Variants in NIN observed in about 807,000 individuals in gnomAD.
NIN encodes the protein ninein.
In NIN, 137 loss-of-function variants were observed where a neutral mutation model predicts 257.6. The observed-to-expected ratio is 0.53, with a 90% CI of 0.46 to 0.61. The LOEUF (loss-of-function observed/expected upper bound fraction) is 0.61. NIN is among the 20% of genes least tolerant of loss of function. NIN has a pLI of 0.00. For missense variants in NIN, 2,439 were observed against 2,501.2 expected, an observed-to-expected ratio of 0.98 and a Z score of 0.53; for synonymous variants, 918 against 919.8, an observed-to-expected ratio of 1.00 and a Z score of 0.04.
At chr14:50,809,371 G>A (rs1049912346) in intron 3 of NIN, among the ~76,000 whole-genome samples, 1 of 152,190 alleles carries the variant, frequency 6.6e-6, no homozygotes, top group Non-Finnish European at 1.5e-5. Context: ...GAGTTGCCCA[G>A]CATCAAAGAA....
rs1479627593 is a variant in NIN at position 50,723,448 on chromosome 14, T to C, written c.*15A>G. The C allele has an allele frequency of 1.2e-6, 2 of 1,604,694 alleles. No individual in the cohort carries two copies. Among genetic ancestry groups the C allele is most frequent in the Non-Finnish European group, 1.7e-6 (2 of 1,173,358 alleles). ...TCAGTAAAGTGCACAAATATGAGTGTACCCTTTGGTTTGGCTATGACCTCA... is the reference window on the plus strand; with the variant it reads ...TCAGTAAAGTGCACAAATATGAGTGCACCCTTTGGTTTGGCTATGACCTCA... On this transcript the variant is annotated 3_prime_UTR_variant, in exon 31 of 31. Transcript: ENST00000530997.
intron 3 of NIN, among the ~76,000 whole-genome samples, chr14:50,808,363 C>A (rs2044427229): frequency 6.6e-6 from 1 of 152,212 alleles, no homozygotes; most frequent in Non-Finnish European, 1.5e-5. Context: ...AGAGCTCTGG[C>A]ACTCAGGCCA....
chr14:50,744,332 G>A lies in NIN; in HGVS notation c.5098C>T (p.Gln1700Ter), dbSNP rs1017799339. Residue 1700 changes from glutamine to a stop codon, truncating the protein, a stop_gained, in exon 23 of 31, where the codon CAA (glutamine) becomes TAA (stop). Transcript: ENST00000530997. LOFTEE classifies it high-confidence loss of function. ...TAGCTTAGAACACTAGAGATTTTTT[G>A]CTGGAAGTCAGAGAGATCGGGACAT... is the stretch of plus-strand genomic sequence containing the variant. ...HRCPDLSDFQ[Q>*]KISSVLSYNE... The A allele has an allele frequency of 6.2e-7, 1 of 1,613,822 alleles. No individual in the cohort carries two copies. The highest frequency in any genetic ancestry group is 1.3e-5 in the African/African-American group (1 of 74,900).
chr14:50,759,557 G>T (rs907169027), intron 17 of NIN, among the ~76,000 whole-genome samples: 2 of 151,140 alleles, frequency 1.3e-5, no homozygotes, highest in Non-Finnish European at 2.9e-5. Context: ...GCAGTAGCGC[G>T]ATCTCGGCTC....
chr14:50,791,043 T>C (rs1031855147), intron 5 of NIN, among the ~76,000 whole-genome samples: 5 of 152,210 alleles, frequency 3.3e-5, no homozygotes, highest in Non-Finnish European at 7.3e-5. Context: ...ACTGAAATAG[T>C]TGGGGAAATG....
Position 50,760,344 on chromosome 14 carries a change from T to C in NIN, c.1912A>G (p.Lys638Glu). 6.2e-7 allele frequency: 1 copy of C among 1,604,716 alleles called. No homozygotes were observed. The highest frequency in any genetic ancestry group is 8.5e-7 in the Non-Finnish European group (1 of 1,179,474). ...CTGACCACGGTTTCGTCCAGCTGCT[T>C]TTCATAATGGCGCACCTGAAGGCAC... ...ELEDKVRHYE[K>E]QLDETVVSCK... The change falls in exon 17 of 31, where the codon AAG becomes GAG. Residue 638 changes from lysine (K) to glutamate (E), a missense_variant. This residue lies in a region of NIN where 2,043 missense variants were observed against 2,050.2 expected (regional missense o/e 1.00). Coordinates refer to ENST00000530997, the MANE Select transcript of NIN (RefSeq NM_020921.4).
intron 29 of NIN, among the ~76,000 whole-genome samples, chr14:50,728,715 C>T (rs1363881221): frequency 6.6e-6 from 1 of 152,108 alleles, no homozygotes; most frequent in Non-Finnish European, 1.5e-5. Flanking sequence ...AGGCAAGCTG[C>T]AAGAGTTAAA....
chr14:50,831,154 G>A lies in NIN; in HGVS notation c.-224C>T, dbSNP rs1486018541. 3.3e-5 allele frequency: 5 copies of A among 150,520 alleles called. No homozygotes were observed. The highest frequency in any genetic ancestry group is 1.9e-4 in the East Asian group (1 of 5,160). The allele number at this position is 150,520 out of a possible 1,614,324, so 9.3% of individuals were successfully genotyped here. On this transcript the variant is annotated 5_prime_UTR_variant, in exon 1 of 31. Coordinates refer to ENST00000530997, the MANE Select transcript of NIN (RefSeq NM_020921.4). ...CACCCGGAGCTCTGGACGCCGGGGA[G>A]GAAGGGCCGGGCCCGCGCGGGGAGG...
chr14:50,812,271 T>A (rs1403898372), intron 3 of NIN, among the ~76,000 whole-genome samples: 2 of 152,188 alleles, frequency 1.3e-5, no homozygotes, highest in Admixed American at 1.3e-4. Flanking sequence ...TACCTCAAAA[T>A]TGAAAGGTGA....
chr14:50,796,414 C>T (rs962329978), intron 4 of NIN, among the ~76,000 whole-genome samples: 9 of 152,160 alleles, frequency 5.9e-5, no homozygotes, highest in Non-Finnish European at 1.2e-4. Flanking sequence ...GAGTGACAGT[C>T]TCTACAGAGC....
chr14:50,823,495 G>C (rs116497853), intron 2 of NIN: 45 of 267,928 alleles, frequency 1.7e-4, no homozygotes, highest in African/African-American at 9.3e-4. Flanking sequence ...AAATAAAAGA[G>C]CTTTCTAAAA....
chr14:50,827,331 T>A (rs909951591), intron 2 of NIN, among the ~76,000 whole-genome samples: 1 of 152,252 alleles, frequency 6.6e-6, no homozygotes, highest in African/African-American at 2.4e-5. Context: ...ATGCCTCCTC[T>A]CTGCTCAGTG....
chr14:50,816,942 G>A (rs2044928603), intron 3 of NIN, among the ~76,000 whole-genome samples: 1 of 152,130 alleles, frequency 6.6e-6, no homozygotes, highest in African/African-American at 2.4e-5. Flanking sequence ...ACTTAATTCT[G>A]CAATGAGTTT....
Position 50,760,338 on chromosome 14 carries a change from G to T in NIN, c.1918C>A (p.Leu640Met). 6.3e-7 allele frequency: 1 copy of T among 1,582,290 alleles called. No homozygotes were observed. Residue 640 changes from leucine to methionine, a missense_variant, in exon 17 of 31, where the codon CTG (leucine) becomes ATG (methionine). Transcript: ENST00000530997. ...EDKVRHYEKQLDETVVSCKKA... is the reference protein window; with the variant it reads ...EDKVRHYEKQMDETVVSCKKA... ...TTGCAGCTGACCACGGTTTCGTCCA[G>T]CTGCTTTTCATAATGGCGCACCTGA...
At chr14:50,779,556 A>G (rs1359685843) in intron 5 of NIN, among the ~76,000 whole-genome samples, 1 of 152,184 alleles carries the variant, frequency 6.6e-6, no homozygotes, top group African/African-American at 2.4e-5. Context: ...CAGGAGATCG[A>G]GACCATCCTG....
At position 50,773,045 on chromosome 14, in the gene NIN, T is replaced by C. The variant is rs1284958706; in HGVS notation, c.717A>G (p.Val239=). 6.2e-7 allele frequency: 1 copy of C among 1,612,942 alleles called. No individual in the cohort carries two copies. Among genetic ancestry groups the C allele is most frequent in the Admixed American group, 1.7e-5 (1 of 60,022 alleles). ...HNLDPDGTMS[V]EDFFYGLFKN... Reference sequence around the variant, plus strand: ...TAAACAAACCATAGAAAAAATCTTCTACACTCATTGTACCGTCAGGATCAA... The same window carrying C: ...TAAACAAACCATAGAAAAAATCTTCCACACTCATTGTACCGTCAGGATCAA... The change falls in exon 8 of 31, where the codon GTA becomes GTG. Residue 239 remains valine, a synonymous_variant. Transcript: ENST00000530997.
intron 3 of NIN, among the ~76,000 whole-genome samples, chr14:50,807,709 G>A (rs2044393442): frequency 6.6e-6 from 1 of 152,134 alleles, no homozygotes; most frequent in South Asian, 2.1e-4. Context: ...TTTAATATAG[G>A]TGACAGATAA....
At chr14:50,749,501 A>G (rs1595761694) in intron 21 of NIN, among the ~76,000 whole-genome samples, 1 of 152,104 alleles carries the variant, frequency 6.6e-6, no homozygotes. Flanking sequence ...TACAAATTCT[A>G]TTTCTCCTCA....
chr14:50,755,648 C>CTTTTTTTTTTTTTTTTTTTTTTTTT (rs71118900), intron 18 of NIN, among the ~76,000 whole-genome samples: 1 of 80,016 alleles, frequency 1.2e-5, no homozygotes, highest in South Asian at 4.3e-4. Context: ...TGTTTTGTCT[C>CTTTTTTTTTTTTTTTTTTTTTTTTT]TTTTTTTTTT....
Sources: gnomAD v4.1 joint callset for allele counts (sites outside exome capture counted in the v4.1 genomes callset) on GRCh38, gnomAD v4.1.1 for gene constraint, gnomAD v4.1.1 regional missense constraint, MANE v1.5 for transcripts, NCBI Gene and HGNC (gene_info 2026-07-23, HGNC 2026-07-21) for gene names.